Variants in PCDHGB2 observed in about 807,000 individuals in gnomAD.
The protein encoded by PCDHGB2 is protocadherin gamma subfamily B, 2.
Under a neutral mutation model 59.3 loss-of-function variants are expected in PCDHGB2, and 55 were observed. That is an observed-to-expected ratio of 0.93 (90% CI 0.75 to 1.16). The LOEUF (loss-of-function observed/expected upper bound fraction) is 1.16. Ranked by LOEUF, PCDHGB2 falls within the 50% of genes most tolerant of loss-of-function variation. PCDHGB2 has a pLI of 0.00. For synonymous variants in PCDHGB2, 516 were observed against 512.0 expected (o/e 1.01, Z -0.11); for missense variants, 1,228 against 1,198.5 (o/e 1.02, Z -0.36).
Position 141,360,775 on chromosome 5 carries a change from G to T in PCDHGB2, c.640G>T (p.Ala214Ser). Residue 214 changes from alanine (A) to serine (S), a missense_variant, in exon 1 of 4, where the codon GCT becomes TCT. Around this residue, in one of 3 missense-constraint regions of PCDHGB2, gnomAD observed 781 missense variants for 721.6 expected, o/e 1.08. Transcript: ENST00000522605. ...CAGTTTACATCAATTGGTCCTCACA[G>T]CTGTGGATGGCGGAGACCCACCTCA... Reference protein sequence around the residue: ...EHSLHQLVLTAVDGGDPPQSG... With the variant: ...EHSLHQLVLTSVDGGDPPQSG... The T allele has an allele frequency of 6.2e-7, 1 of 1,613,924 alleles. No individual in the cohort carries two copies. Among genetic ancestry groups the T allele is most frequent in the South Asian group, 1.1e-5 (1 of 91,086 alleles).
intron 3 of PCDHGB2, among the ~76,000 whole-genome samples, chr5:141,505,989 T>C (rs1275642739): frequency 6.6e-6 from 1 of 152,136 alleles, no homozygotes; most frequent in Non-Finnish European, 1.5e-5. Context: ...ACACCTCCTC[T>C]TTATGCGAGG....
At chr5:141,382,968 CT>C (rs774014579) in intron 1 of PCDHGB2, 26 of 1,609,208 alleles carry the variant, frequency 1.6e-5, no homozygotes, top group Admixed American at 8.4e-5. Context: ...TGGGGACCCC[CT>C]GGGAAGCCTG....
chr5:141,511,428 G>T lies in PCDHGB2; in HGVS notation c.*255G>T. 1 of 769,024 alleles carries T rather than the reference G, an allele frequency of 1.3e-6. No homozygotes were observed. The highest frequency in any genetic ancestry group is 2.0e-6 in the Non-Finnish European group (1 of 504,448). 47.6% of individuals were successfully genotyped at this position (769,024 alleles called of 1,614,324 possible). ...ACTGCTGTACCCATGGGGGTAGTGG[G>T]GTTACTGTAGACACCAAGAACCATT... On this transcript the variant is annotated 3_prime_UTR_variant, in exon 4 of 4. Transcript: ENST00000522605.
chr5:141,393,947 G>C, intron 1 of PCDHGB2: 1 of 1,613,972 alleles, frequency 6.2e-7, no homozygotes, highest in South Asian at 1.1e-5. Context: ...ACTCTGGAAA[G>C]AATGGTCAAG....
chr5:141,387,765 T>C, intron 1 of PCDHGB2: 1 of 1,431,622 alleles, frequency 7.0e-7, no homozygotes, highest in East Asian at 2.5e-5. Flanking sequence ...AAAAGAAGAA[T>C]TTTTTCTTGA....
chr5:141,511,450 C>A lies in PCDHGB2; in HGVS notation c.*277C>A. Reference sequence around the variant, plus strand: ...TGGGGTTACTGTAGACACCAAGAACCATTTGCCACACCCCGTTTAGTTACA... The same window carrying A: ...TGGGGTTACTGTAGACACCAAGAACAATTTGCCACACCCCGTTTAGTTACA... On this transcript the variant is annotated 3_prime_UTR_variant, in exon 4 of 4. Transcript: ENST00000522605. The A allele has an allele frequency of 3.3e-6, 2 of 615,088 alleles. No homozygotes were observed. The highest frequency in any genetic ancestry group is 6.8e-5 in the East Asian group (2 of 29,272). The allele number at this position is 615,088 out of a possible 1,614,324, so 38.1% of individuals were successfully genotyped here.
chr5:141,383,074 C>T, intron 1 of PCDHGB2: 3 of 1,613,886 alleles, frequency 1.9e-6, no homozygotes, highest in Non-Finnish European at 2.5e-6. Context: ...GCCCCGGGAG[C>T]TGGCGGAGCG....
rs1396618267 is a variant in PCDHGB2, at chr5:141,421,234, A to T, written c.2421+58678A>T. On this transcript the variant is annotated intron_variant, in intron 1 of 3. Coordinates refer to ENST00000522605, the MANE Select transcript of PCDHGB2 (RefSeq NM_018923.3). ...TATCGGCTTAGAGCCTGCCATGGCG[A>T]ATCGGCTACAGCGCGGGGACCGCAG... 7 of 1,593,656 alleles carry T rather than the reference A, an allele frequency of 4.4e-6. No homozygotes were observed. In the African/African-American group the frequency reaches 9.4e-5, roughly 21 times the overall value.
rs2099624499 is a variant in PCDHGB2, at chr5:141,486,100, C to A, written c.2422-8707C>A. The A allele has an allele frequency of 6.2e-7, 1 of 1,614,072 alleles. No homozygotes were observed. The highest frequency in any genetic ancestry group is 1.3e-5 in the African/African-American group (1 of 74,930). ...AGCTTACTCTTTTGGGGCCCCTAGA[C>A]TTTGAGAGTGAGAATTACTATGAAT... On this transcript the variant is annotated intron_variant, in intron 1 of 3. Coordinates refer to ENST00000522605, the MANE Select transcript of PCDHGB2 (RefSeq NM_018923.3). This position sits in a 1 kb window ranked among gnomAD's most constrained non-coding sequence, Gnocchi z 5.0.
At chr5:141,501,308 C>T (rs1220463692) in intron 2 of PCDHGB2, among the ~76,000 whole-genome samples, 2 of 151,492 alleles carry the variant, frequency 1.3e-5, no homozygotes, top group African/African-American at 2.4e-5. Context: ...CACACACACA[C>T]ACACACACAC....
Position 141,398,399 on chromosome 5 carries a change from A to G in PCDHGB2, c.2421+35843A>G, listed in dbSNP as rs763282563. 8 of 1,466,584 alleles carry G rather than the reference A, an allele frequency of 5.5e-6. No individual in the cohort carries two copies. In the Admixed American group the frequency reaches 7.2e-5, roughly 13 times the overall value. 90.8% of individuals were successfully genotyped at this position (1,466,584 alleles called of 1,614,324 possible). ...GAGTTGCTTGTGAGCAGCAGGCTAG[A>G]CAGGGAGGAGATATGCGGGAAGAAG... On this transcript the variant is annotated intron_variant, in intron 1 of 3. Coordinates refer to ENST00000522605, the MANE Select transcript of PCDHGB2 (RefSeq NM_018923.3).
intron 1 of PCDHGB2, chr5:141,409,850 G>T (rs1301108879): frequency 6.2e-7 from 1 of 1,612,142 alleles, no homozygotes; most frequent in South Asian, 1.1e-5. Context: ...GAGCCTGCGC[G>T]TGTTGGTGGG....
chr5:141,375,156 A>C (rs565020201), intron 1 of PCDHGB2: 2 of 1,613,972 alleles, frequency 1.2e-6, no homozygotes, highest in Non-Finnish European at 1.7e-6. Flanking sequence ...ACAATTGCTG[A>C]AAGTGCACCT....
chr5:141,403,254 G>A (rs2094383546), intron 1 of PCDHGB2: 3 of 1,613,830 alleles, frequency 1.9e-6, no homozygotes, highest in Non-Finnish European at 2.5e-6. Flanking sequence ...CAGAGCCCGC[G>A]GTGTCTGGTG....
intron 3 of PCDHGB2, among the ~76,000 whole-genome samples, chr5:141,509,211 C>T (rs962706371): frequency 2.0e-5 from 3 of 152,180 alleles, no homozygotes; most frequent in African/African-American, 4.8e-5. Context: ...CTCTCTATTT[C>T]TCAATCCCTG....
intron 2 of PCDHGB2, among the ~76,000 whole-genome samples, chr5:141,503,292 A>T (rs7710319): frequency 0.52 from 78,681 of 151,966 alleles, 21,044 homozygotes; most frequent in African/African-American, 0.62. Flanking sequence ...TGGTACATAG[A>T]AATTGCTCAA....
chr5:141,391,895 A>C (rs1315243362), intron 1 of PCDHGB2: 1 of 152,202 alleles, frequency 6.6e-6, no homozygotes, highest in Non-Finnish European at 1.5e-5. Context: ...GATGGGATGG[A>C]GCTTTGCTTT....
rs752472089 is a variant in PCDHGB2, at chr5:141,389,501, G to T, written c.2421+26945G>T. The T allele has an allele frequency of 3.7e-6, 6 of 1,612,948 alleles. No individual in the cohort carries two copies. In the East Asian group the frequency reaches 6.7e-5, roughly 18 times the overall value. On this transcript the variant is annotated intron_variant, in intron 1 of 3. Transcript: ENST00000522605. Reference sequence around the variant, plus strand: ...AGGCCCGCGACCAGGGCTCGCCAGCGCTCAGCGCGAACGTGAGCCTGCGCG... The same window carrying T: ...AGGCCCGCGACCAGGGCTCGCCAGCTCTCAGCGCGAACGTGAGCCTGCGCG...
rs778851755 is a variant in PCDHGB2, at chr5:141,477,795, G to A, written c.2422-17012G>A. ...AGCGTGAACATATTTGTCACTGATC[G>A]CAATGACAATGCCCCCCAGGTCCTA... On this transcript the variant is annotated intron_variant, in intron 1 of 3. Coordinates refer to ENST00000522605, the MANE Select transcript of PCDHGB2 (RefSeq NM_018923.3). This position sits in a 1 kb window ranked among gnomAD's most constrained non-coding sequence, Gnocchi z 4.9. The A allele has an allele frequency of 3.1e-6, 5 of 1,613,946 alleles. No individual in the cohort carries two copies. In the African/African-American group the frequency reaches 6.7e-5, roughly 22 times the overall value.
Sources: gnomAD v4.1 joint callset for allele counts (sites outside exome capture counted in the v4.1 genomes callset) on GRCh38, gnomAD v4.1.1 for gene constraint, gnomAD v4.1.1 regional missense constraint, Gnocchi (gnomAD v3.1) non-coding constraint, MANE v1.5 for transcripts, NCBI Gene and HGNC (gene_info 2026-07-23, HGNC 2026-07-21) for gene names.